Variants in KDM2B observed in about 807,000 individuals in gnomAD.
KDM2B encodes lysine demethylase 2B.
In KDM2B, 26 loss-of-function variants were observed where a neutral mutation model predicts 150.0. The ratio of observed to expected loss-of-function variants is 0.17; its 90% confidence interval spans 0.13 to 0.24. The LOEUF is 0.24. Ranked by LOEUF, KDM2B falls within the 10% of genes least tolerant of loss-of-function variation. KDM2B has a pLI of 1.00. For missense variants in KDM2B, 1,265 were observed against 1,816.9 expected (o/e 0.70, Z 5.52); for synonymous variants, 734 against 729.5 (o/e 1.01, Z -0.10).
intron 12 of KDM2B, among the ~76,000 whole-genome samples, chr12:121,457,371 T>C (rs1878429947): frequency 1.3e-5 from 2 of 152,036 alleles, no homozygotes; most frequent in African/African-American, 4.8e-5. Flanking sequence ...AAGCAATTCT[T>C]GTGCTTCAGC....
chr12:121,501,854 C>T (rs1884594905), intron 11 of KDM2B, among the ~76,000 whole-genome samples: 1 of 152,134 alleles, frequency 6.6e-6, no homozygotes, highest in Non-Finnish European at 1.5e-5. Flanking sequence ...AACTCCTGAC[C>T]TCATGATCCG....
chr12:121,467,375 C>T lies in KDM2B; in HGVS notation c.1735-14031G>A, dbSNP rs1250655536. ...CCGCGCCGCGCGCCTCGCACGCCCG[C>T]GCTGGAGGGGGCGGGGAGGGGCCGG... On this transcript the variant is annotated intron_variant, in intron 12 of 22. Coordinates refer to ENST00000377071, the MANE Select transcript of KDM2B (RefSeq NM_032590.5). The surrounding 1 kb of genome is among the most constrained non-coding windows in gnomAD (Gnocchi z 5.1). 8 of 980,470 alleles carry T rather than the reference C, an allele frequency of 8.2e-6. No individual in the cohort carries two copies. The highest frequency in any genetic ancestry group is 6.3e-5 in the Admixed American group (1 of 15,804). The allele number at this position is 980,470 out of a possible 1,614,324, so 60.7% of individuals were successfully genotyped here. A position where few individuals can be genotyped will look rare whatever the true frequency, so the allele number is the denominator to read the frequency against.
At chr12:121,496,036 G>A (rs1555300915) in intron 11 of KDM2B, among the ~76,000 whole-genome samples, 1 of 152,032 alleles carries the variant, frequency 6.6e-6, no homozygotes, top group East Asian at 1.9e-4. Flanking sequence ...ACATCATCCA[G>A]GTATAAAATG....
At chr12:121,478,866 T>TTGTGTGTGTGTGTGTGTGTGTGTGTG (rs71874668) in intron 12 of KDM2B, among the ~76,000 whole-genome samples, 14 of 131,216 alleles carry the variant, frequency 1.1e-4, no homozygotes, top group South Asian at 2.6e-4. Context: ...TTTTGTTTGT[T>TTGTGTGTGTGTGTGTGTGTGTGTGTG]TGTGTGTGTG....
chr12:121,447,249 T>C (rs913154625), intron 13 of KDM2B, among the ~76,000 whole-genome samples: 10 of 132,906 alleles, frequency 7.5e-5, no homozygotes, highest in Non-Finnish European at 1.3e-4. Flanking sequence ...GGTCTTCTCT[T>C]TTTTTTTTTT....
intron 6 of KDM2B, among the ~76,000 whole-genome samples, chr12:121,544,826 T>C (rs1888896081): frequency 6.6e-6 from 1 of 151,830 alleles, no homozygotes; most frequent in African/African-American, 2.4e-5. Flanking sequence ...GGCAGGAGAA[T>C]CGTTTGAACC....
Position 121,549,086 on chromosome 12 carries a change from T to G in KDM2B, c.577-103A>C. Reference sequence around the variant, plus strand: ...CTTGGGCCCCCCCGCTCCCCCAATCTACTGTGGGCTCAATAGTCCCAACAT... The same window carrying G: ...CTTGGGCCCCCCCGCTCCCCCAATCGACTGTGGGCTCAATAGTCCCAACAT... On this transcript the variant is annotated intron_variant, in intron 5 of 22. Transcript: ENST00000377071. This position sits in a 1 kb window ranked among gnomAD's most constrained non-coding sequence, Gnocchi z 4.4. The G allele has an allele frequency of 1.2e-6, 1 of 851,234 alleles. No homozygotes were observed. Among genetic ancestry groups the G allele is most frequent in the Non-Finnish European group, 1.9e-6 (1 of 524,310 alleles). 52.7% of individuals were successfully genotyped at this position (851,234 alleles called of 1,614,324 possible).
intron 12 of KDM2B, among the ~76,000 whole-genome samples, chr12:121,454,502 C>T (rs1021111151): frequency 7.2e-5 from 11 of 152,250 alleles, no homozygotes; most frequent in Non-Finnish European, 1.3e-4. Context: ...CCATGATCTA[C>T]GGGGGAGCCC....
chr12:121,475,176 A>G (rs1881209283), intron 12 of KDM2B, among the ~76,000 whole-genome samples: 1 of 138,412 alleles, frequency 7.2e-6, no homozygotes, highest in South Asian at 2.6e-4. Context: ...TAAACTACAC[A>G]TGACTCTGTG....
chr12:121,455,010 C>T (rs1368799786), intron 12 of KDM2B, among the ~76,000 whole-genome samples: 1 of 152,198 alleles, frequency 6.6e-6, no homozygotes. Context: ...CATCAACTTT[C>T]TTCTCCAGTG....
At position 121,467,163 on chromosome 12, in the gene KDM2B, C is replaced by T; in HGVS notation, c.1735-13819G>A. 8.9e-7 allele frequency: 1 copy of T among 1,123,712 alleles called. No homozygotes were observed. The allele number at this position is 1,123,712 out of a possible 1,614,324, so 69.6% of individuals were successfully genotyped here. On this transcript the variant is annotated intron_variant, in intron 12 of 22. Transcript: ENST00000377071. The surrounding 1 kb of genome is among the most constrained non-coding windows in gnomAD (Gnocchi z 5.1). ...CCCCACCCCGGGCCGCCGACCTGGT[C>T]CGGCTCCGATTCATAGTCGTCGTCC...
intron 11 of KDM2B, among the ~76,000 whole-genome samples, chr12:121,507,875 G>A (rs781857128): frequency 2.6e-5 from 4 of 152,056 alleles, no homozygotes; most frequent in Non-Finnish European, 5.9e-5. Context: ...GCCGAGCATG[G>A]TGGCATGCAC....
rs532016453 is a variant in KDM2B, at chr12:121,501,519, T to A, written c.1648-6854A>T. 1.2e-3 allele frequency among the ~76,000 whole-genome samples: 181 copies of A among 152,356 alleles called. No individual in the cohort carries two copies. In the South Asian group the frequency reaches 0.018, roughly 15 times the overall value. On this transcript the variant is annotated intron_variant, in intron 11 of 22. Coordinates refer to ENST00000377071, the MANE Select transcript of KDM2B (RefSeq NM_032590.5). ...GAGGAGGCCCGGAAGGATTCTCTTCTAGAGACTTTGGAGCGAGCAGAGCCC... is the reference window on the plus strand; with the variant it reads ...GAGGAGGCCCGGAAGGATTCTCTTCAAGAGACTTTGGAGCGAGCAGAGCCC...
intron 19 of KDM2B, among the ~76,000 whole-genome samples, 191 bp downstream of exon 19, chr12:121,441,966 G>A (rs536736640): frequency 6.6e-6 from 1 of 152,352 alleles, no homozygotes; most frequent in East Asian, 1.9e-4. Context: ...AAGCTAAATC[G>A]GAATAAACGG....
At chr12:121,571,917 C>A (rs1891126909) in intron 4 of KDM2B, among the ~76,000 whole-genome samples, 1 of 152,106 alleles carries the variant, frequency 6.6e-6, no homozygotes, top group Non-Finnish European at 1.5e-5. Context: ...TCCCAAAGTG[C>A]TGGGATTACA....
intron 8 of KDM2B, among the ~76,000 whole-genome samples, chr12:121,532,054 A>G (rs1555307899): frequency 6.6e-6 from 1 of 151,798 alleles, no homozygotes; most frequent in African/African-American, 2.4e-5. Flanking sequence ...CTGGGAGGTG[A>G]AGGTTGCAGT....
In KDM2B at chr12:121,452,195, T is replaced by C. The variant is rs943143119; in HGVS notation, c.1959+925A>G. Among the ~76,000 whole-genome samples, 1 of 152,152 alleles carries C rather than the reference T, an allele frequency of 6.6e-6. No homozygotes were observed. Among genetic ancestry groups the C allele is most frequent in the African/African-American group, 2.4e-5 (1 of 41,438 alleles). The stretch of plus-strand genomic sequence containing the variant: ...TTCAGTGGGTATGGAGTTTCAGTTT[T>C]GCAAAATGAAAAAGTTCTAGGGATC... On this transcript the variant is annotated intron_variant, in intron 13 of 22. Transcript: ENST00000377071. The surrounding 1 kb of genome is among the most constrained non-coding windows in gnomAD (Gnocchi z 4.4).
intron 8 of KDM2B, among the ~76,000 whole-genome samples, chr12:121,531,298 CT>C (rs1165073765): frequency 3.9e-5 from 6 of 152,302 alleles, no homozygotes; most frequent in Non-Finnish European, 7.4e-5. Flanking sequence ...CCAAATCTCC[CT>C]AATAGGGAAG....
intron 6 of KDM2B, among the ~76,000 whole-genome samples, chr12:121,547,265 C>T (rs986863714): frequency 6.6e-6 from 1 of 152,198 alleles, no homozygotes; most frequent in South Asian, 2.1e-4. Flanking sequence ...CCTGCTCCCT[C>T]CCCACCTCGA....
Sources: gnomAD v4.1 joint callset for allele counts (sites outside exome capture counted in the v4.1 genomes callset) on GRCh38, gnomAD v4.1.1 for gene constraint, Gnocchi (gnomAD v3.1) non-coding constraint, MANE v1.5 for transcripts, NCBI Gene and HGNC (gene_info 2026-07-23, HGNC 2026-07-21) for gene names.